The following CFAP47 variants were observed in gnomAD, a reference collection of about 807,000 sequenced individuals.
CFAP47 encodes the protein cilia- and flagella-associated protein 47.
Under a neutral mutation model 148.1 loss-of-function variants are expected in CFAP47, and 29 were observed. The observed-to-expected ratio is 0.20, with a 90% CI of 0.15 to 0.27. The LOEUF (loss-of-function observed/expected upper bound fraction) is 0.27. Among genes scored for constraint, CFAP47 ranks in the 10% least tolerant of loss-of-function variants. The probability of loss-of-function intolerance (pLI) is 1.00; values close to 1 mark genes in which losing one functional copy is unlikely to be tolerated. For synonymous variants in CFAP47, 664 were observed against 577.3 expected (o/e 1.15, Z -2.15); for missense variants, 1,872 against 1,697.5 (o/e 1.10, Z -1.81).
intron 22 of CFAP47, among the ~76,000 whole-genome samples, chrX:36,024,079 G>T (rs1937189693): frequency 8.9e-6 from 1 of 112,063 alleles, no homozygotes; most frequent in African/African-American, 3.2e-5. Flanking sequence ...AAGTCTCAGA[G>T]TTTCACCCAA....
chrX:36,235,633 T>C (rs6632527), intron 46 of CFAP47, among the ~76,000 whole-genome samples: 39,032 of 111,395 alleles, frequency 0.35, 7,575 homozygotes, highest in African/African-American at 0.75. Flanking sequence ...CACTGTCCTG[T>C]GCCCACTGTC....
Position 36,384,198 on chromosome X carries a change from G to A in CFAP47, c.9355-599G>A, listed in dbSNP as rs186272487. ...TCTACTAAAAATACAAAAATTAGCC[G>A]GGTGTCGTGGCACATGCATGTAAAT... On this transcript the variant is annotated intron_variant, in intron 63 of 63. Transcript: ENST00000378653. 1.6e-4 allele frequency among the ~76,000 whole-genome samples: 18 copies of A among 110,086 alleles called. No individual in the cohort carries two copies. In the East Asian group the frequency reaches 2.0e-3, roughly 12 times the overall value.
chrX:36,369,253 A>T (rs963367085), intron 62 of CFAP47, among the ~76,000 whole-genome samples: 25 of 109,328 alleles, frequency 2.3e-4, no homozygotes, highest in Non-Finnish European at 4.0e-4. Context: ...TTCAAAATAT[A>T]AAAAAAAACA....
At chrX:36,171,118 T>G (rs1388067234) in intron 39 of CFAP47, among the ~76,000 whole-genome samples, 1 of 110,464 alleles carries the variant, frequency 9.1e-6, no homozygotes, top group African/African-American at 3.3e-5. Flanking sequence ...TCCGTTCATG[T>G]CCTTTGCCCA....
chrX:36,211,452 A>G (rs1555989491), intron 45 of CFAP47: 3 of 260,647 alleles, frequency 1.2e-5, no homozygotes, highest in East Asian at 1.9e-4. Flanking sequence ...CCCAAAAACC[A>G]AAGGAGAACA....
intron 16 of CFAP47, 126 bp from the exon 17 acceptor site, chrX:35,991,695 T>G (rs1936791387): frequency 3.8e-6 from 1 of 266,223 alleles, no homozygotes. Context: ...TATTTTCTTT[T>G]AGTATTTATA....
intron 35 of CFAP47, chrX:36,144,838 G>A: frequency 9.9e-6 from 10 of 1,013,789 alleles, no homozygotes; most frequent in Non-Finnish European, 1.3e-5. Context: ...TTGGACTCTA[G>A]GACTTGCACC....
chrX:36,308,258 A>G (rs1411628766), intron 55 of CFAP47, among the ~76,000 whole-genome samples: 1 of 111,755 alleles, frequency 8.9e-6, no homozygotes, highest in Non-Finnish European at 1.9e-5. Context: ...AGTCAGTTGA[A>G]CACTGATGGT....
intron 48 of CFAP47, among the ~76,000 whole-genome samples, chrX:36,246,725 A>G (rs1249034686): frequency 9.0e-6 from 1 of 111,470 alleles, no homozygotes; most frequent in Non-Finnish European, 1.9e-5. Context: ...GCAAAACCAT[A>G]TCACCATCTC....
At chrX:36,343,081 T>C (rs1205472058) in intron 57 of CFAP47, among the ~76,000 whole-genome samples, 1 of 111,615 alleles carries the variant, frequency 9.0e-6, no homozygotes, top group Non-Finnish European at 1.9e-5. Context: ...TCTGTTCCTG[T>C]GTTAGTTTGC....
chrX:36,310,504 TAA>T (rs3841264), intron 55 of CFAP47, among the ~76,000 whole-genome samples: 5 of 101,484 alleles, frequency 4.9e-5, no homozygotes, highest in African/African-American at 7.1e-5. Context: ...TCAAGTTTGT[TAA>T]AAAAAAAAAA....
At chrX:36,096,488 T>C (rs994580679) in intron 30 of CFAP47, among the ~76,000 whole-genome samples, 5 of 111,573 alleles carry the variant, frequency 4.5e-5, no homozygotes, top group Non-Finnish European at 9.5e-5. Flanking sequence ...TCTTGCTCTT[T>C]ATTTCTAATA....
At chrX:36,043,237 G>A (rs1212084154) in intron 25 of CFAP47, among the ~76,000 whole-genome samples, 1 of 111,816 alleles carries the variant, frequency 8.9e-6, no homozygotes, top group African/African-American at 3.2e-5. Context: ...ATATATAGTT[G>A]TATTAAAAAC....
rs189698382 is a variant in CFAP47, at chrX:36,376,112, C to T, written c.9186-3238C>T. On this transcript the variant is annotated intron_variant, in intron 62 of 63. Transcript: ENST00000378653. Reference sequence around the variant, plus strand: ...AGCTGTGGGCTTGTTCGTGGTGTCTCTCTTAGTCTTCACAGACTGGCTTTC... The same window carrying T: ...AGCTGTGGGCTTGTTCGTGGTGTCTTTCTTAGTCTTCACAGACTGGCTTTC... Among the ~76,000 whole-genome samples the T allele has an allele frequency of 3.2e-3, 356 of 112,006 alleles. 8 individuals carry two copies. Among genetic ancestry groups the T allele is most frequent in the Admixed American group, 0.029 (305 of 10,545 alleles).
In CFAP47 at chrX:36,104,502, T is replaced by G. The variant is rs779490070; in HGVS notation, c.5131T>G (p.Leu1711Val). ...AAGTTATCTCTCCCAATTTCAGGTT[T>G]TGGTTCTATCCCGTGTAGTGCCATA... ...TDVFLQIYKVLVLSRVVPYCS... is the reference protein window; with the variant it reads ...TDVFLQIYKVVVLSRVVPYCS... Residue 1711 changes from leucine (L) to valine (V), a missense_variant, in exon 33 of 64, where the codon TTG (leucine) becomes GTG (valine). By Grantham distance (32) the Leu-to-Val change is conservative (BLOSUM62 1). Transcript: ENST00000378653. 8.0e-5 allele frequency: 64 copies of G among 797,109 alleles called. No individual in the cohort carries two copies. Among genetic ancestry groups the G allele is most frequent in the Non-Finnish European group, 1.1e-4 (63 of 588,843 alleles). The allele number at this position is 797,109 out of a possible 1,213,427, so 65.7% of individuals were successfully genotyped here.
At chrX:36,112,878 T>G (rs1601986532) in intron 33 of CFAP47, among the ~76,000 whole-genome samples, 1 of 112,033 alleles carries the variant, frequency 8.9e-6, no homozygotes, top group African/African-American at 3.2e-5. Context: ...TCTTTTGATC[T>G]GCTTTGGTTT....
At chrX:36,114,799 T>A (rs1237598702) in intron 33 of CFAP47, among the ~76,000 whole-genome samples, 1 of 111,208 alleles carries the variant, frequency 9.0e-6, no homozygotes, top group African/African-American at 3.3e-5. Flanking sequence ...CTGAAGGCTT[T>A]CATAGTGCAG....
intron 34 of CFAP47, 98 bp from the exon 35 acceptor site, chrX:36,138,250 T>A: frequency 1.2e-6 from 1 of 853,234 alleles, no homozygotes; most frequent in Non-Finnish European, 1.6e-6. Context: ...CTGACAAATA[T>A]TAATATTTAA....
rs186717383 is a variant in CFAP47, at chrX:36,266,694, G to A, written c.7445-13793G>A. 1.9e-3 allele frequency among the ~76,000 whole-genome samples: 216 copies of A among 110,945 alleles called. 1 individual carries two copies. The highest frequency in any genetic ancestry group is 6.5e-3 in the African/African-American group (197 of 30,477). Reference sequence around the variant, plus strand: ...TTGGTGGGGTAGCTGAGGCTGCACTGCGTGTAGGCATGGCCCGGCAGGAAC... The same window carrying A: ...TTGGTGGGGTAGCTGAGGCTGCACTACGTGTAGGCATGGCCCGGCAGGAAC... On this transcript the variant is annotated intron_variant, in intron 49 of 63. Transcript: ENST00000378653.
Sources: gnomAD v4.1 joint callset for allele counts (sites outside exome capture counted in the v4.1 genomes callset) on GRCh38, gnomAD v4.1.1 for gene constraint, MANE v1.5 for transcripts, NCBI Gene and HGNC (gene_info 2026-07-23, HGNC 2026-07-21) for gene names.